SGCZ: variants seen among roughly 807,000 people sequenced by gnomAD.
SGCZ encodes zeta-sarcoglycan.
Under a neutral mutation model 41.3 loss-of-function variants are expected in SGCZ, and 40 were observed. The ratio of observed to expected loss-of-function variants is 0.97; its 90% CI spans 0.75 to 1.26. The LOEUF (loss-of-function observed/expected upper bound fraction) is 1.26. SGCZ is among the 50% of genes most tolerant of loss of function. The pLI is 0.00. For missense variants in SGCZ, 552 were observed against 369.8 expected, an observed-to-expected ratio of 1.49 and a Z score of -4.04; for synonymous variants, 206 against 137.5, an observed-to-expected ratio of 1.50 and a Z score of -3.49.
At chr8:14,479,893 G>A (rs1164976094) in intron 2 of SGCZ, among the ~76,000 whole-genome samples, 2 of 144,268 alleles carry the variant, frequency 1.4e-5, no homozygotes, top group East Asian at 4.2e-4. Flanking sequence ...TTACAGGCGT[G>A]CACTAGCACG....
chr8:15,229,044 C>T (rs113459080), intron 1 of SGCZ, among the ~76,000 whole-genome samples: 13,406 of 152,026 alleles, frequency 0.088, 710 homozygotes, highest in African/African-American at 0.15. Flanking sequence ...ATACAAAAAT[C>T]AGCCAGGCGT....
At chr8:14,526,965 C>T (rs564710180) in intron 2 of SGCZ, among the ~76,000 whole-genome samples, 3 of 152,152 alleles carry the variant, frequency 2.0e-5, no homozygotes, top group African/African-American at 4.8e-5. Flanking sequence ...AGACAACTGC[C>T]GACTTGTACC....
At chr8:14,321,361 T>C (rs1801913137) in intron 3 of SGCZ, among the ~76,000 whole-genome samples, 1 of 152,100 alleles carries the variant, frequency 6.6e-6, no homozygotes, top group Non-Finnish European at 1.5e-5. Flanking sequence ...TCATAGAACC[T>C]TAAAAGTCTG....
At chr8:14,488,372 G>C (rs1427655536) in intron 2 of SGCZ, among the ~76,000 whole-genome samples, 1 of 130,218 alleles carries the variant, frequency 7.7e-6, no homozygotes, top group Non-Finnish European at 1.7e-5. Flanking sequence ...TTGCTTATGA[G>C]CAAGAGACCA....
At chr8:14,629,413 T>C (rs1340233070) in intron 1 of SGCZ, among the ~76,000 whole-genome samples, 1 of 152,158 alleles carries the variant, frequency 6.6e-6, no homozygotes, top group Non-Finnish European at 1.5e-5. Flanking sequence ...ACTGAAATAA[T>C]TATTTTTGCA....
chr8:14,513,477 A>C (rs1802523207), intron 2 of SGCZ, among the ~76,000 whole-genome samples: 1 of 152,072 alleles, frequency 6.6e-6, no homozygotes. Context: ...ACTTCAGGTT[A>C]TTTTAGACCA....
At chr8:15,107,906 T>C (rs1806893054) in intron 1 of SGCZ, among the ~76,000 whole-genome samples, 1 of 152,224 alleles carries the variant, frequency 6.6e-6, no homozygotes, top group Non-Finnish European at 1.5e-5. Context: ...TCAGGTTTCA[T>C]ATTTATTTGA....
chr8:15,215,778 G>C (rs556268732), intron 1 of SGCZ, among the ~76,000 whole-genome samples: 2 of 152,270 alleles, frequency 1.3e-5, no homozygotes, highest in African/African-American at 4.8e-5. Context: ...TACAATTAAA[G>C]TCCTATATGT....
chr8:14,165,411 C>T (rs1804177751), intron 4 of SGCZ: 1 of 152,112 alleles, frequency 6.6e-6, no homozygotes, highest in African/African-American at 2.4e-5. Context: ...TCAAAGCCAG[C>T]TTCCATATTT....
chr8:15,035,491 C>A (rs1042580669), intron 1 of SGCZ, among the ~76,000 whole-genome samples: 2 of 152,106 alleles, frequency 1.3e-5, no homozygotes, highest in African/African-American at 2.4e-5. Flanking sequence ...AGTTGTAAAT[C>A]GTTACCTATA....
chr8:14,200,625 T>C (rs927066710), intron 4 of SGCZ, among the ~76,000 whole-genome samples: 5 of 152,120 alleles, frequency 3.3e-5, no homozygotes, highest in Non-Finnish European at 5.9e-5. Context: ...GTTTGTTTTG[T>C]TTTGTTTTTC....
chr8:14,860,193 T>G (rs1803673594), intron 1 of SGCZ, among the ~76,000 whole-genome samples: 1 of 152,016 alleles, frequency 6.6e-6, no homozygotes, highest in African/African-American at 2.4e-5. Context: ...AGTCTTTTTT[T>G]TTGTCTTTTT....
At chr8:14,416,469 A>T (rs182110726) in intron 2 of SGCZ, among the ~76,000 whole-genome samples, 2 of 152,072 alleles carry the variant, frequency 1.3e-5, no homozygotes, top group African/African-American at 4.8e-5. Context: ...AACTGCACCC[A>T]TGAAAGCTGC....
chr8:14,177,334 C>A (rs7840084), intron 4 of SGCZ, among the ~76,000 whole-genome samples: 29 of 152,018 alleles, frequency 1.9e-4, no homozygotes, highest in Non-Finnish European at 3.7e-4. Flanking sequence ...AAAGACTGAA[C>A]GCATGACAGG....
chr8:14,314,194 G>A (rs13277849), intron 3 of SGCZ, among the ~76,000 whole-genome samples: 131,978 of 152,018 alleles, frequency 0.87, 57,884 homozygotes, highest in Non-Finnish European at 0.94. Context: ...TCCAAAGAAT[G>A]TCGCACCTCT....
At chr8:14,819,328 T>C (rs1802002539) in intron 1 of SGCZ, among the ~76,000 whole-genome samples, 1 of 152,138 alleles carries the variant, frequency 6.6e-6, no homozygotes, top group Non-Finnish European at 1.5e-5. Context: ...TTTTCCTTCA[T>C]TTACGACGGA....
rs527459763 is a variant in SGCZ at position 14,980,270 on chromosome 8, G to A, written c.39+257315C>T. On this transcript the variant is annotated intron_variant, in intron 1 of 7. Coordinates refer to ENST00000382080, the MANE Select transcript of SGCZ (RefSeq NM_139167.4). The stretch of plus-strand genomic sequence containing the variant: ...CGGAAATTGAGCCAGATTTGATCAC[G>A]AAGAACAGAGACGGTCCAGAGGAAG... Among the ~76,000 whole-genome samples the A allele has an allele frequency of 4.8e-4, 73 of 152,240 alleles. 1 individual carries two copies. Among genetic ancestry groups the A allele is most frequent in the African/African-American group, 1.7e-3 (72 of 41,546 alleles).
intron 2 of SGCZ, among the ~76,000 whole-genome samples, chr8:14,366,781 A>G (rs1803722917): frequency 6.6e-6 from 1 of 152,146 alleles, no homozygotes; most frequent in Non-Finnish European, 1.5e-5. Flanking sequence ...TCTACTTATC[A>G]GCCTGTAATA....
At chr8:14,268,666 CT>C (rs1799958188) in intron 3 of SGCZ, among the ~76,000 whole-genome samples, 1 of 151,642 alleles carries the variant, frequency 6.6e-6, no homozygotes, top group Non-Finnish European at 1.5e-5. Context: ...ATATATTTTT[CT>C]ACTTGGTGGC....
Sources: gnomAD v4.1 joint callset for allele counts (sites outside exome capture counted in the v4.1 genomes callset) on GRCh38, gnomAD v4.1.1 for gene constraint, MANE v1.5 for transcripts, NCBI Gene and HGNC (gene_info 2026-07-23, HGNC 2026-07-21) for gene names.